The following SCG5 variants were observed in gnomAD, a reference collection of about 807,000 sequenced individuals.
SCG5 encodes the protein secretogranin V.
In SCG5, 18 loss-of-function variants were observed where a neutral mutation model predicts 25.7. The observed-to-expected ratio is 0.70, with a 90% CI of 0.48 to 1.04. SCG5 has a LOEUF of 1.04. Ranked by LOEUF, SCG5 falls within the 50% of genes least tolerant of loss-of-function variation. The pLI is 0.00. For missense variants in SCG5, 206 were observed against 259.8 expected (o/e 0.79, Z 1.42); for synonymous variants, 101 against 91.7 (o/e 1.10, Z -0.58).
intron 4 of SCG5, among the ~76,000 whole-genome samples, chr15:32,687,407 C>A (rs148345094): frequency 1.3e-5 from 2 of 152,134 alleles, no homozygotes; most frequent in East Asian, 1.9e-4. Context: ...GTTTAGATAC[C>A]TTTTATCATC....
chr15:32,663,207 TGTAATG>T lies in SCG5; in HGVS notation c.227-16556_227-16551del, dbSNP rs2054267875. Among the ~76,000 whole-genome samples, 3 of 151,474 alleles carry T rather than the reference TGTAATG, an allele frequency of 2.0e-5. No homozygotes were observed. The South Asian group carries it at 6.3e-4, about 32-fold the overall frequency. On this transcript the variant is annotated intron_variant, in intron 2 of 5. Coordinates refer to ENST00000300175, the MANE Select transcript of SCG5 (RefSeq NM_001144757.3). ...CAATTCAACAATTTAAAGTATACAA[TGTAATG>T]GTTTTTGGTATATTCACATAGTAGT...
At chr15:32,651,531 T>G (rs1373232545) in intron 2 of SCG5, among the ~76,000 whole-genome samples, 1 of 152,208 alleles carries the variant, frequency 6.6e-6, no homozygotes, top group Non-Finnish European at 1.5e-5. Context: ...GAGAAAGCAG[T>G]GCAGCTGACT....
intron 2 of SCG5, among the ~76,000 whole-genome samples, chr15:32,677,330 C>A (rs1448730143): frequency 6.6e-6 from 1 of 152,180 alleles, no homozygotes; most frequent in Non-Finnish European, 1.5e-5. Context: ...AAACTTTAAT[C>A]AACACAGCAC....
At chr15:32,687,303 G>C (rs1021178626) in intron 4 of SCG5, among the ~76,000 whole-genome samples, 1 of 152,178 alleles carries the variant, frequency 6.6e-6, no homozygotes, top group Admixed American at 6.5e-5. Context: ...GTTTCTCTCA[G>C]TGTTTCCTAT....
At chr15:32,669,125 G>GAGCAGAGT (rs772629729) in intron 2 of SCG5, 1 of 152,188 alleles carries the variant, frequency 6.6e-6, no homozygotes, top group Non-Finnish European at 1.5e-5. Context: ...AATCCTACAG[G>GAGCAGAGT]AGCAGAGTAC....
At chr15:32,685,109 A>T (rs897387808) in intron 4 of SCG5, among the ~76,000 whole-genome samples, 2 of 152,362 alleles carry the variant, frequency 1.3e-5, no homozygotes, top group East Asian at 3.9e-4. Context: ...GCTTAGAAAC[A>T]GATATATATA....
rs1483100695 is a variant in SCG5, at chr15:32,687,086, G to A, written c.489+2417G>A. On this transcript the variant is annotated intron_variant, in intron 4 of 5. Transcript: ENST00000300175. The stretch of plus-strand genomic sequence containing the variant: ...ATGAGAGAAAGAAAGGAGGGAGACT[G>A]AGTCAAGGTGTGAGTGAAGGCAAGG... Among the ~76,000 whole-genome samples, 4 of 152,106 alleles carry A rather than the reference G, an allele frequency of 2.6e-5. No individual in the cohort carries two copies. In the East Asian group the frequency reaches 5.8e-4, roughly 22 times the overall value.
At chr15:32,686,841 A>G (rs904369003) in intron 4 of SCG5, among the ~76,000 whole-genome samples, 8 of 152,200 alleles carry the variant, frequency 5.3e-5, no homozygotes, top group African/African-American at 9.7e-5. Context: ...TGAAAATGAA[A>G]TGAACCCAAC....
intron 3 of SCG5, among the ~76,000 whole-genome samples, chr15:32,681,759 T>C (rs2054625232): frequency 6.6e-6 from 1 of 152,266 alleles, no homozygotes; most frequent in South Asian, 2.1e-4. Flanking sequence ...CTTTTTTTTC[T>C]TATGATACCC....
chr15:32,687,406 C>T (rs920418665), intron 4 of SCG5, among the ~76,000 whole-genome samples: 1 of 152,182 alleles, frequency 6.6e-6, no homozygotes, highest in African/African-American at 2.4e-5. Context: ...TGTTTAGATA[C>T]CTTTTATCAT....
intron 2 of SCG5, among the ~76,000 whole-genome samples, chr15:32,678,387 A>C (rs1228097726): frequency 6.6e-6 from 1 of 152,242 alleles, no homozygotes; most frequent in East Asian, 1.9e-4. Flanking sequence ...AAGAGCATAA[A>C]CAAACAGCTC....
At chr15:32,643,433 C>G (rs1192707221) in intron 1 of SCG5, among the ~76,000 whole-genome samples, 153 bp from the exon 2 acceptor site, 1 of 152,146 alleles carries the variant, frequency 6.6e-6, no homozygotes, top group African/African-American at 2.4e-5. Flanking sequence ...AGCATGGAAA[C>G]TTAAGACAAA....
At chr15:32,675,970 C>T (rs977094431) in intron 2 of SCG5, among the ~76,000 whole-genome samples, 2 of 152,180 alleles carry the variant, frequency 1.3e-5, no homozygotes, top group Non-Finnish European at 2.9e-5. Flanking sequence ...AAATGGCATC[C>T]ATAGCATCAT....
intron 2 of SCG5, among the ~76,000 whole-genome samples, chr15:32,661,467 A>G (rs200919483): frequency 6.6e-6 from 1 of 152,166 alleles, no homozygotes; most frequent in East Asian, 1.9e-4. Context: ...CTAAAAATAC[A>G]AAATAAGCCG....
In SCG5 at chr15:32,679,835, C is replaced by T. The variant is rs372460429; in HGVS notation, c.296C>T (p.Thr99Ile). Residue 99 changes from threonine (T) to isoleucine (I), a missense_variant, in exon 3 of 6, where the codon ACT (threonine) becomes ATT (isoleucine). Physicochemically the swap from Thr to Ile is moderately conservative, Grantham distance 89. Coordinates refer to ENST00000300175, the MANE Select transcript of SCG5 (RefSeq NM_001144757.3). ...GNIPNIVAEL[T>I]GDNIPKDFSE... ...ATCCCCAACATCGTGGCAGAGTTGA[C>T]TGGAGACAACATTCCTAAGGACTTT... The T allele has an allele frequency of 3.1e-6, 5 of 1,613,802 alleles. No individual in the cohort carries two copies. The African/African-American group carries it at 6.7e-5, about 22-fold the overall frequency.
intron 5 of SCG5, among the ~76,000 whole-genome samples, chr15:32,694,142 A>G (rs1276401325): frequency 6.6e-6 from 1 of 152,120 alleles, no homozygotes; most frequent in Admixed American, 6.5e-5. Context: ...AAACAAACCC[A>G]AAGCTCATTA....
chr15:32,664,267 A>G (rs1291515974), intron 2 of SCG5, among the ~76,000 whole-genome samples: 1 of 152,104 alleles, frequency 6.6e-6, no homozygotes, highest in Admixed American at 6.5e-5. Context: ...TGTAGCCAGC[A>G]CCAGGGTGTC....
At chr15:32,658,690 T>C (rs2054165420) in intron 2 of SCG5, among the ~76,000 whole-genome samples, 1 of 152,210 alleles carries the variant, frequency 6.6e-6, no homozygotes. Context: ...TTCTCTGTCC[T>C]TGCAGATAAA....
At chr15:32,695,989 T>G (rs1361466583) in intron 5 of SCG5, among the ~76,000 whole-genome samples, 1 of 152,228 alleles carries the variant, frequency 6.6e-6, no homozygotes, top group African/African-American at 2.4e-5. Flanking sequence ...GAGACATCTA[T>G]CAGTCAGAAA....
Sources: gnomAD v4.1 joint callset for allele counts (sites outside exome capture counted in the v4.1 genomes callset) on GRCh38, gnomAD v4.1.1 for gene constraint, MANE v1.5 for transcripts, NCBI Gene and HGNC (gene_info 2026-07-23, HGNC 2026-07-21) for gene names.